The following KLHDC4 variants were observed in gnomAD, a reference collection of about 807,000 sequenced individuals.
The protein encoded by KLHDC4 is kelch domain-containing protein 4.
KLHDC4 carries 90 observed loss-of-function variants against 62.4 expected under a neutral mutation model. That is an observed-to-expected ratio of 1.44 (90% CI 1.22 to 1.72). KLHDC4 has a LOEUF of 1.72. Ranked by LOEUF, KLHDC4 falls within the 40% of genes most tolerant of loss-of-function variation. The probability of loss-of-function intolerance (pLI) is 0.00; values close to 1 mark genes in which losing one functional copy is unlikely to be tolerated. For missense variants in KLHDC4, 1,025 were observed against 699.7 expected (o/e 1.47, Z -5.25); for synonymous variants, 386 against 284.4 (o/e 1.36, Z -3.59).
intron 4 of KLHDC4, 21 bp downstream of exon 4, chr16:87,755,173 G>C (rs779884973): frequency 1.3e-6 from 2 of 1,540,936 alleles, no homozygotes; most frequent in Admixed American, 1.7e-5. Context: ...GAGGGTGGCT[G>C]AGAGTCAGTG....
intron 3 of KLHDC4, chr16:87,755,938 C>T: frequency 6.1e-6 from 1 of 162,768 alleles, no homozygotes; most frequent in Non-Finnish European, 1.4e-5. Context: ...AAGGCCCATC[C>T]CGGGCTGCAG....
intron 5 of KLHDC4, among the ~76,000 whole-genome samples, chr16:87,738,268 A>C (rs574778690): frequency 6.6e-6 from 1 of 152,240 alleles, no homozygotes; most frequent in East Asian, 1.9e-4. Context: ...ACTGACTTTC[A>C]CTCAGATGCA....
intron 2 of KLHDC4, among the ~76,000 whole-genome samples, chr16:87,761,537 T>C (rs1211884700): frequency 1.3e-5 from 2 of 152,262 alleles, no homozygotes. Context: ...ACTCAATTTA[T>C]GTTTAACAAA....
rs150413022 is a variant in KLHDC4, at chr16:87,726,879, G to A, written c.645C>T (p.Thr215=). 6.2e-7 allele frequency: 1 copy of A among 1,613,830 alleles called. No homozygotes were observed. The highest frequency in any genetic ancestry group is 2.2e-5 in the East Asian group (1 of 44,852). ...YNDVYAFNLD[T]FTWSKLSPSG... ...ACGGGGACAGCTTGCTCCATGTGAA[G>A]GTGTCCAGATTAAAGGCATACACGT... Residue 215 remains threonine, a synonymous_variant, in exon 7 of 12, where the codon ACC becomes ACT. Coordinates refer to ENST00000270583, the MANE Select transcript of KLHDC4 (RefSeq NM_017566.4).
chr16:87,730,596 C>T lies in KLHDC4; in HGVS notation c.555G>A (p.Trp185Ter). The T allele has an allele frequency of 1.9e-6, 3 of 1,613,220 alleles. No individual in the cohort carries two copies. The highest frequency in any genetic ancestry group is 2.5e-6 in the Non-Finnish European group (3 of 1,179,842). Residue 185 changes from tryptophan to a stop codon, truncating the protein, a stop_gained, in exon 6 of 12, where the codon TGG (tryptophan) becomes TGA (stop). Coordinates refer to ENST00000270583, the MANE Select transcript of KLHDC4 (RefSeq NM_017566.4). LOFTEE classifies it high-confidence loss of function. ...SGRSGHRMVAWKRQLILFGGF... is the reference protein window; with the variant it reads ...SGRSGHRMVA ...CACCAAACAGGATCAATTGTCTCTT[C>T]CAGGCCACCATCCGATGTCCACTCC...
At position 87,730,622 on chromosome 16, in the gene KLHDC4, G is replaced by A. The variant is rs367777769; in HGVS notation, c.529C>T (p.Arg177Trp). 2.1e-4 allele frequency: 334 copies of A among 1,612,754 alleles called. 3 individuals carry two copies. The South Asian group carries it at 2.5e-3, about 12-fold the overall frequency. ...QVKSTGGPSG[R>W]SGHRMVAWKR... is the part of the protein sequence containing the mutation. ...CAGGCCACCATCCGATGTCCACTCC[G>A]ACCCGAAGGACCGCCTGTTGATCTA... The change falls in exon 6 of 12, where the codon CGG becomes TGG. Residue 177 changes from arginine (R) to tryptophan (W), a missense_variant. Physicochemically the swap from Arg to Trp is moderately radical, Grantham distance 101 (BLOSUM62 -3). Transcript: ENST00000270583.
intron 5 of KLHDC4, among the ~76,000 whole-genome samples, chr16:87,734,998 A>T (rs1437728237): frequency 1.1e-5 from 1 of 91,252 alleles, no homozygotes; most frequent in Non-Finnish European, 2.1e-5. Context: ...GAATTGCCTG[A>T]CGCCCCTCCC....
exon 1 of KLHDC4, chr16:87,702,053 C>T (rs1247457070): frequency 2.2e-6 from 1 of 456,316 alleles, no homozygotes; most frequent in Non-Finnish European, 4.4e-6. Flanking sequence ...TCCCTGGTGA[C>T]CCCAGGCTGC....
intron 4 of KLHDC4, among the ~76,000 whole-genome samples, chr16:87,754,798 G>A (rs1417186770): frequency 6.6e-6 from 1 of 152,150 alleles, no homozygotes; most frequent in Non-Finnish European, 1.5e-5. Context: ...TCTGTGATCC[G>A]GTTACCACTC....
At chr16:87,708,186 G>A (rs1208861241) in intron 11 of KLHDC4, 111 bp from the exon 12 acceptor site, 4 of 619,406 alleles carry the variant, frequency 6.5e-6, no homozygotes, top group Non-Finnish European at 1.2e-5. Flanking sequence ...TCATCAAAGA[G>A]CCCACAGGCA....
At chr16:87,728,260 G>A (rs754872210) in intron 6 of KLHDC4, among the ~76,000 whole-genome samples, 5 of 152,166 alleles carry the variant, frequency 3.3e-5, no homozygotes, top group African/African-American at 4.8e-5. Flanking sequence ...GCAGGACGAT[G>A]GCTCTTAATA....
At chr16:87,709,035 C>T (rs1354991898) in intron 10 of KLHDC4, among the ~76,000 whole-genome samples, 1 of 152,240 alleles carries the variant, frequency 6.6e-6, no homozygotes, top group African/African-American at 2.4e-5. Context: ...CCGCCAGAGC[C>T]GCAGCTCCCG....
chr16:87,709,874 C>T, intron 9 of KLHDC4: 1 of 613,252 alleles, frequency 1.6e-6, no homozygotes, highest in East Asian at 2.8e-5. Flanking sequence ...CCTCGCCGTT[C>T]ACTCCTGGGC....
At chr16:87,705,032 C>T (rs1157736711), downstream of KLHDC4, among the ~76,000 whole-genome samples, 1 of 152,244 alleles carries the variant, frequency 6.6e-6, no homozygotes, top group Admixed American at 6.5e-5. Flanking sequence ...AGAGTGCCTC[C>T]CCTGGTACGC....
At chr16:87,745,466 C>T (rs1555591683) in intron 5 of KLHDC4, among the ~76,000 whole-genome samples, 1 of 152,256 alleles carries the variant, frequency 6.6e-6, no homozygotes, top group African/African-American at 2.4e-5. Context: ...ACCTTCTCCC[C>T]ACCAGTCACC....
intron 7 of KLHDC4, among the ~76,000 whole-genome samples, chr16:87,721,222 C>A (rs991758780): frequency 6.6e-6 from 1 of 152,098 alleles, no homozygotes; most frequent in African/African-American, 2.4e-5. Context: ...AGATCGAGAC[C>A]ATCCTGGCTA....
intron 7 of KLHDC4, 65 bp from the exon 8 acceptor site, chr16:87,714,638 A>C (rs2036575385): frequency 1.3e-6 from 2 of 1,549,332 alleles, no homozygotes; most frequent in African/African-American, 1.4e-5. Context: ...AGACCCCCCA[A>C]CCCTGTGGGC....
upstream of KLHDC4, among the ~76,000 whole-genome samples, chr16:87,702,744 G>A (rs576835196): frequency 2.0e-5 from 3 of 152,234 alleles, no homozygotes; most frequent in Non-Finnish European, 4.4e-5. Context: ...CTGTGAACTC[G>A]GACAGGAAAC....
intron 5 of KLHDC4, chr16:87,747,576 C>T (rs1597308019): frequency 6.6e-6 from 1 of 152,244 alleles, no homozygotes; most frequent in Admixed American, 6.5e-5. Flanking sequence ...CACCACAGCA[C>T]CTTCCGGGTC....
Sources: gnomAD v4.1 joint callset for allele counts (sites outside exome capture counted in the v4.1 genomes callset) on GRCh38, gnomAD v4.1.1 for gene constraint, MANE v1.5 for transcripts, NCBI Gene and HGNC (gene_info 2026-07-23, HGNC 2026-07-21) for gene names.